TAF1: variants seen among roughly 807,000 people sequenced by gnomAD.
TAF1 encodes the protein transcription initiation factor TFIID subunit 1.
TAF1 carries 2 observed loss-of-function variants against 138.5 expected under a neutral mutation model. The ratio of observed to expected loss-of-function variants is 0.01; its 90% CI spans 0.01 to 0.05. The LOEUF is 0.05. TAF1 is among the 10% of genes least tolerant of loss of function. The pLI, the probability that TAF1 is intolerant of heterozygous loss-of-function variation, is 1.00. For missense variants in TAF1, 709 were observed against 1,478.0 expected, an observed-to-expected ratio of 0.48 and a Z score of 8.53; for synonymous variants, 437 against 503.2, an observed-to-expected ratio of 0.87 and a Z score of 1.76.
rs916740866 is a variant in TAF1 at position 71,379,105 on chromosome X, A to ATTTTTT, written c.1360+92_1360+97dup. The ATTTTTT allele has an allele frequency of 5.6e-5, 27 of 485,985 alleles. 1 individual carries two copies. The highest frequency in any genetic ancestry group is 5.4e-4 in the African/African-American group (11 of 20,457). 40.1% of individuals were successfully genotyped at this position (485,985 alleles called of 1,213,427 possible). Reference sequence around the variant, plus strand: ...GTCACCATAAGTGGGCTCAGCTGTGATTTTTTTTTTTTTTTTTTTTTTTCG... The same window carrying ATTTTTT: ...GTCACCATAAGTGGGCTCAGCTGTGATTTTTTTTTTTTTTTTTTTTTTTTTTTTTCG... On this transcript the variant is annotated intron_variant, in intron 8 of 37. Transcript: ENST00000423759.
intron 25 of TAF1, among the ~76,000 whole-genome samples, chrX:71,403,028 T>G (rs1190464035): frequency 2.7e-5 from 3 of 110,399 alleles, no homozygotes; most frequent in African/African-American, 9.9e-5. Context: ...TTTCCTTTTC[T>G]TTTCTTTCTT....
chrX:71,478,104 C>T (rs886238548), intron 13 of TAF1, among the ~76,000 whole-genome samples: 3 of 111,111 alleles, frequency 2.7e-5, no homozygotes, highest in Non-Finnish European at 5.7e-5. Context: ...TATCCTGGGC[C>T]AGGCATGGTG....
intron 13 of TAF1, among the ~76,000 whole-genome samples, chrX:71,508,829 T>C (rs1428315667): frequency 8.5e-5 from 9 of 105,644 alleles, no homozygotes; most frequent in African/African-American, 3.1e-4. Flanking sequence ...TTTTTTGAGA[T>C]GGGGTCTCAC....
chrX:71,385,843 G>A (rs913855480), intron 14 of TAF1, among the ~76,000 whole-genome samples: 7 of 111,462 alleles, frequency 6.3e-5, no homozygotes, highest in African/African-American at 2.3e-4. Context: ...CTCTTCTTTT[G>A]TGGCTACTTT....
At chrX:71,451,968 G>T (rs1350155714) in intron 32 of TAF1, among the ~76,000 whole-genome samples, 1 of 112,597 alleles carries the variant, frequency 8.9e-6, no homozygotes, top group Non-Finnish European at 1.9e-5. Context: ...TGTCATCATG[G>T]CCCGTTCTCA....
At chrX:71,446,572 A>G (rs1293898857) in intron 32 of TAF1, among the ~76,000 whole-genome samples, 1 of 112,256 alleles carries the variant, frequency 8.9e-6, no homozygotes, top group Non-Finnish European at 1.9e-5. Flanking sequence ...AAATTTTACT[A>G]TATAGGAAAA....
At chrX:71,443,875 A>T (rs929464206) in intron 32 of TAF1, among the ~76,000 whole-genome samples, 8 of 110,875 alleles carry the variant, frequency 7.2e-5, no homozygotes, top group Non-Finnish European at 1.5e-4. Context: ...TGCCCGGCTA[A>T]TTTTTTTGTA....
At chrX:71,484,771 T>C (rs2039141459) in intron 13 of TAF1, 1 of 112,338 alleles carries the variant, frequency 8.9e-6, no homozygotes, top group East Asian at 2.8e-4. Flanking sequence ...CCCGATGATA[T>C]AACAAATGGA....
In TAF1 at chrX:71,384,162, T is replaced by C. The variant is rs371199986; in HGVS notation, c.2121+27T>C. The C allele has an allele frequency of 3.3e-6, 4 of 1,201,084 alleles. No homozygotes were observed. The East Asian group carries it at 1.2e-4, about 36-fold the overall frequency. On this transcript the variant is annotated intron_variant, in intron 13 of 37. Transcript: ENST00000423759. ...TGAGTCTCTGCTCAGAAAATTTTTT[T>C]CCCATACATAATTCTGCTTATGCTT... is the stretch of plus-strand genomic sequence containing the variant.
Position 71,452,653 on chromosome X carries a change from C to T in TAF1, c.4754-1517C>T, listed in dbSNP as rs189799048. Among the ~76,000 whole-genome samples, 476 of 111,731 alleles carry T rather than the reference C, an allele frequency of 4.3e-3. 1 individual carries two copies. Among genetic ancestry groups the T allele is most frequent in the African/African-American group, 0.014 (436 of 30,786 alleles). On this transcript the variant is annotated intron_variant, in intron 32 of 37. Transcript: ENST00000423759. The stretch of plus-strand genomic sequence containing the variant: ...GCAGAGATGCTCCTCACTTCCCAGA[C>T]GAGGTGGCGGCCGGGCAGAGGCTGC...
intron 32 of TAF1, among the ~76,000 whole-genome samples, chrX:71,430,011 G>A (rs2036796972): frequency 8.9e-6 from 1 of 111,790 alleles, no homozygotes. Flanking sequence ...ATGTACAAAT[G>A]TTCTTTGCAG....
intron 13 of TAF1, among the ~76,000 whole-genome samples, chrX:71,496,011 G>T (rs1427293786): frequency 8.9e-6 from 1 of 112,321 alleles, no homozygotes; most frequent in Non-Finnish European, 1.9e-5. Context: ...GGTATAGATG[G>T]CTCCTTCCTG....
chrX:71,522,801 G>A (rs2039926032), intron 13 of TAF1, among the ~76,000 whole-genome samples: 1 of 72,795 alleles, frequency 1.4e-5, no homozygotes, highest in Non-Finnish European at 2.6e-5. Context: ...AATGGATAGA[G>A]CTTTCCTGCC....
chrX:71,377,857 A>G (rs1295512724), intron 6 of TAF1, 36 bp downstream of exon 6: 1 of 1,134,360 alleles, frequency 8.8e-7, no homozygotes, highest in Non-Finnish European at 1.2e-6. Flanking sequence ...AAGGCCTATG[A>G]GAGGAACAAA....
rs1569408208 is a variant in TAF1, at chrX:71,503,275, AAAATATATATATATATATATGTGTAT to A, written c.1367-25265_1367-25240del. 5.8e-5 allele frequency among the ~76,000 whole-genome samples: 5 copies of A among 85,537 alleles called. No homozygotes were observed. The East Asian group carries it at 1.0e-3, about 18-fold the overall frequency. The allele number at this position is 85,537 out of a possible 115,157, so 74.3% of individuals were successfully genotyped here. On this transcript the variant is annotated intron_variant and NMD_transcript_variant, in intron 13 of 14. Transcript: ENST00000373775. ...GACAGAGTGAGACTGTCTCAAAAAA[AAAATATATATATATATATATGTGTAT>A]ATATATATATATATATATATGTGTG...
chrX:71,474,862 A>G (rs996920695), intron 13 of TAF1, among the ~76,000 whole-genome samples: 1 of 111,775 alleles, frequency 8.9e-6, no homozygotes, highest in African/African-American at 3.2e-5. Context: ...AGCAAGGGGA[A>G]GATCATTCTA....
chrX:71,501,486 G>C (rs1260266922), intron 13 of TAF1, among the ~76,000 whole-genome samples: 1 of 111,275 alleles, frequency 9.0e-6, no homozygotes, highest in Non-Finnish European at 1.9e-5. Flanking sequence ...AAGTTTGTCT[G>C]ATAGGCCTTA....
chrX:71,390,310 C>T (rs1448413599), intron 18 of TAF1, among the ~76,000 whole-genome samples: 1 of 111,680 alleles, frequency 9.0e-6, no homozygotes, highest in African/African-American at 3.3e-5. Flanking sequence ...CCAACCATAC[C>T]GAAGTTCATT....
At chrX:71,528,706 T>C in exon 14 of TAF1, 1 of 330,874 alleles carries the variant, frequency 3.0e-6, no homozygotes, top group Non-Finnish European at 5.9e-6. Flanking sequence ...ACTTCAAGAA[T>C]GAAGCCGTGG....
Sources: gnomAD v4.1 joint callset for allele counts (sites outside exome capture counted in the v4.1 genomes callset) on GRCh38, gnomAD v4.1.1 for gene constraint, MANE v1.5 for transcripts, NCBI Gene and HGNC (gene_info 2026-07-23, HGNC 2026-07-21) for gene names.